Variants in RAB11FIP3 observed in about 807,000 individuals in gnomAD.
The protein encoded by RAB11FIP3 is RAB11 family interacting protein 3, also known as rab11 family-interacting protein 3.
In RAB11FIP3, 17 loss-of-function variants were observed where a neutral mutation model predicts 77.8. The ratio of observed to expected loss-of-function variants is 0.22; its 90% CI spans 0.15 to 0.33. RAB11FIP3 has a LOEUF of 0.33. Among genes scored for constraint, RAB11FIP3 ranks in the 10% least tolerant of loss-of-function variants. The probability of loss-of-function intolerance (pLI) is 1.00; values close to 1 mark genes in which losing one functional copy is unlikely to be tolerated. For synonymous variants in RAB11FIP3, 437 were observed against 448.2 expected, an observed-to-expected ratio of 0.98 and a Z score of 0.31; for missense variants, 1,005 against 1,011.2, an observed-to-expected ratio of 0.99 and a Z score of 0.08.
At chr16:462,575 C>G (rs1215869021) in intron 2 of RAB11FIP3, among the ~76,000 whole-genome samples, 1 of 122,002 alleles carries the variant, frequency 8.2e-6, no homozygotes, top group African/African-American at 3.1e-5. Context: ...CGTGCTCTCA[C>G]TTGGCTTCTT....
intron 1 of RAB11FIP3, among the ~76,000 whole-genome samples, chr16:437,653 T>C (rs1344903482): frequency 1.3e-5 from 2 of 151,408 alleles, no homozygotes; most frequent in African/African-American, 4.9e-5. Flanking sequence ...ATGAGAGACG[T>C]GCCAAGTACA....
At chr16:484,440 C>T (rs1414475977) in intron 4 of RAB11FIP3, among the ~76,000 whole-genome samples, 1 of 152,180 alleles carries the variant, frequency 6.6e-6, no homozygotes, top group Non-Finnish European at 1.5e-5. Flanking sequence ...CAGCCTCCGC[C>T]TCCCAGGTTC....
At chr16:462,270 G>A (rs575890512) in intron 2 of RAB11FIP3, among the ~76,000 whole-genome samples, 1 of 152,230 alleles carries the variant, frequency 6.6e-6, no homozygotes, top group African/African-American at 2.4e-5. Flanking sequence ...CACCCAGGCT[G>A]GAGTGCAATG....
rs561988535 is a variant in RAB11FIP3, at chr16:440,280, T to G, written c.714+13560T>G. Among the ~76,000 whole-genome samples the G allele has an allele frequency of 2.0e-5, 3 of 152,326 alleles. No individual in the cohort carries two copies. In the South Asian group the frequency reaches 6.2e-4, roughly 32 times the overall value. On this transcript the variant is annotated intron_variant, in intron 1 of 13. Transcript: ENST00000262305. ...TAAATTTCTGTGTTCCTTTTTCTTT[T>G]TATTAAAGATTTACTAATTTTTGTA...
intron 2 of RAB11FIP3, among the ~76,000 whole-genome samples, chr16:463,783 C>T (rs1273210939): frequency 1.3e-5 from 2 of 152,190 alleles, no homozygotes; most frequent in Admixed American, 1.3e-4. Flanking sequence ...TTCTTCCACC[C>T]ATGAACATGT....
Position 461,285 on chromosome 16 carries a change from C to T in RAB11FIP3, c.715-119C>T. On this transcript the variant is annotated intron_variant, in intron 1 of 13. Transcript: ENST00000262305. This position sits in a 1 kb window ranked among gnomAD's most constrained non-coding sequence, Gnocchi z 4.5. ...TCAGGCGGTAATGCTCCCTCACCTC[C>T]TGCTGTGCTTCCCCGTTCCCAGCAG... 1.5e-6 allele frequency: 1 copy of T among 682,244 alleles called. No individual in the cohort carries two copies. The highest frequency in any genetic ancestry group is 2.5e-6 in the Non-Finnish European group (1 of 403,624). 42.3% of individuals were successfully genotyped at this position (682,244 alleles called of 1,614,324 possible). A position where few individuals can be genotyped will look rare whatever the true frequency, so the allele number is the denominator to read the frequency against.
intron 1 of RAB11FIP3, among the ~76,000 whole-genome samples, chr16:435,773 T>TA (rs1230168753): frequency 6.6e-6 from 1 of 151,846 alleles, no homozygotes; most frequent in Non-Finnish European, 1.5e-5. Flanking sequence ...TTGGTAGAAA[T>TA]AAAAAAATTT....
At chr16:451,943 G>T (rs184596527) in intron 1 of RAB11FIP3, among the ~76,000 whole-genome samples, 7 of 152,328 alleles carry the variant, frequency 4.6e-5, no homozygotes, top group South Asian at 2.1e-4. Context: ...GAGGTCAGGA[G>T]TTGGAGACCA....
intron 5 of RAB11FIP3, among the ~76,000 whole-genome samples, chr16:492,213 C>T (rs1419082347): frequency 2.0e-5 from 3 of 152,190 alleles, no homozygotes; most frequent in Non-Finnish European, 4.4e-5. Flanking sequence ...TTCTTATGTT[C>T]TGTGAAATGC....
intron 1 of RAB11FIP3, among the ~76,000 whole-genome samples, chr16:437,782 T>C (rs1326314480): frequency 6.6e-6 from 1 of 152,174 alleles, no homozygotes; most frequent in African/African-American, 2.4e-5. Flanking sequence ...AGAATTGTAC[T>C]AATTGCATTG....
Position 488,899 on chromosome 16 carries a change from G to C in RAB11FIP3, c.1164G>C (p.Glu388Asp), listed in dbSNP as rs767140800. Residue 388 changes from glutamate (E) to aspartate (D), a missense_variant, in exon 5 of 14, where the codon GAG becomes GAC. Coordinates refer to ENST00000262305, the MANE Select transcript of RAB11FIP3 (RefSeq NM_014700.4). Reference sequence around the variant, plus strand: ...TCATCACGGTGATCGGGGGCGAGGAGCACTTTGAGGACTACGGTGAAGGCA... The same window carrying C: ...TCATCACGGTGATCGGGGGCGAGGACCACTTTGAGGACTACGGTGAAGGCA... ...QSVITVIGGE[E>D]HFEDYGEGSE... The C allele has an allele frequency of 6.2e-7, 1 of 1,614,040 alleles. No individual in the cohort carries two copies. The highest frequency in any genetic ancestry group is 1.7e-5 in the Admixed American group (1 of 60,000).
intron 1 of RAB11FIP3, among the ~76,000 whole-genome samples, chr16:455,335 G>T (rs946703478): frequency 1.3e-5 from 2 of 151,774 alleles, no homozygotes; most frequent in Admixed American, 6.6e-5. Flanking sequence ...TCAGCCGGGC[G>T]TGGTGGCACG....
intron 1 of RAB11FIP3, among the ~76,000 whole-genome samples, chr16:445,422 G>GAGCA (rs1238110158): frequency 6.6e-6 from 1 of 152,034 alleles, no homozygotes; most frequent in African/African-American, 2.4e-5. Context: ...CTGGGTGACA[G>GAGCA]AGCAAGACTC....
chr16:522,190 T>A lies in RAB11FIP3; in HGVS notation c.*1351T>A, dbSNP rs994121014. 1 of 150,736 alleles carries A rather than the reference T, an allele frequency of 6.6e-6. No individual in the cohort carries two copies. Among genetic ancestry groups the A allele is most frequent in the African/African-American group, 2.4e-5 (1 of 41,000 alleles). The allele number at this position is 150,736 out of a possible 1,614,324, so 9.3% of individuals were successfully genotyped here. A position where few individuals can be genotyped will look rare whatever the true frequency, so the allele number is the denominator to read the frequency against. Reference sequence around the variant, plus strand: ...ATGTAGAGTAGGTATTTTTTATAGATTGAAGGTTGATCAATTTTTTAATAC... The same window carrying A: ...ATGTAGAGTAGGTATTTTTTATAGAATGAAGGTTGATCAATTTTTTAATAC... On this transcript the variant is annotated 3_prime_UTR_variant, in exon 14 of 14. Transcript: ENST00000262305.
At chr16:499,044 C>G (rs925188588) in intron 6 of RAB11FIP3, among the ~76,000 whole-genome samples, 1 of 151,994 alleles carries the variant, frequency 6.6e-6, no homozygotes, top group African/African-American at 2.4e-5. Flanking sequence ...AACCCCATCT[C>G]TACTAAAAAA....
At chr16:433,028 CTTTTTTTTTTTTT>C (rs920883186) in intron 1 of RAB11FIP3, among the ~76,000 whole-genome samples, 2 of 40,884 alleles carry the variant, frequency 4.9e-5, no homozygotes, top group African/African-American at 2.1e-4. Flanking sequence ...CCATATTTAT[CTTTTTTTTTTTTT>C]TTTTTTTTTT....
In RAB11FIP3 at chr16:507,570, G is replaced by A. The variant is rs1271692673; in HGVS notation, c.1499+1943G>A. 6.6e-6 allele frequency among the ~76,000 whole-genome samples: 1 copy of A among 152,212 alleles called. No homozygotes were observed. Among genetic ancestry groups the A allele is most frequent in the Non-Finnish European group, 1.5e-5 (1 of 68,042 alleles). On this transcript the variant is annotated intron_variant, in intron 8 of 13. Transcript: ENST00000262305. This position sits in a 1 kb window ranked among gnomAD's most constrained non-coding sequence, Gnocchi z 4.6. ...CCTAGATGCCTTTGTCGAGTTGACTGTGGAGGTTTCATTTGAGTCTGGAGT... is the reference window on the plus strand; with the variant it reads ...CCTAGATGCCTTTGTCGAGTTGACTATGGAGGTTTCATTTGAGTCTGGAGT...
At position 443,407 on chromosome 16, in the gene RAB11FIP3, C is replaced by G. The variant is rs558655808; in HGVS notation, c.714+16687C>G. Among the ~76,000 whole-genome samples, 21 of 152,266 alleles carry G rather than the reference C, an allele frequency of 1.4e-4. No homozygotes were observed. The South Asian group carries it at 3.9e-3, about 29-fold the overall frequency. ...AGAAAATAAAAACCCCATCCAGCAC[C>G]GTGAATCTTTTCAGCCTTCTGGCTT... On this transcript the variant is annotated intron_variant, in intron 1 of 13. Transcript: ENST00000262305.
intron 8 of RAB11FIP3, 98 bp from the exon 9 acceptor site, chr16:510,562 G>A: frequency 1.1e-5 from 15 of 1,375,288 alleles, no homozygotes; most frequent in Non-Finnish European, 1.4e-5. Flanking sequence ...CCGAGTGGAG[G>A]CAGGTTCTCT....
Sources: allele counts gnomAD v4.1 joint callset (sites outside exome capture counted in the v4.1 genomes callset), GRCh38; gene constraint gnomAD v4.1.1; non-coding constraint Gnocchi (gnomAD v3.1); transcripts MANE v1.5; gene names NCBI Gene and HGNC (gene_info 2026-07-23, HGNC 2026-07-21).